Variants in PPFIA2 observed in about 807,000 individuals in gnomAD.
The protein encoded by PPFIA2 is PPFI scaffold protein A2.
A neutral mutation model predicts 175.5 loss-of-function variants in PPFIA2; 46 were observed. The observed-to-expected ratio is 0.26, with a 90% CI of 0.21 to 0.34. The LOEUF (loss-of-function observed/expected upper bound fraction) is 0.34. Ranked by LOEUF, PPFIA2 falls within the 10% of genes least tolerant of loss-of-function variation. The probability of loss-of-function intolerance (pLI) is 1.00; values close to 1 mark genes in which losing one functional copy is unlikely to be tolerated. For synonymous variants in PPFIA2, 568 were observed against 511.4 expected (o/e 1.11, Z -1.49); for missense variants, 1,179 against 1,506.1 (o/e 0.78, Z 3.60).
chr12:81,268,243 AT>A (rs2037991467), intron 28 of PPFIA2, among the ~76,000 whole-genome samples, 156 bp from the exon 29 acceptor site: 1 of 136,960 alleles, frequency 7.3e-6, no homozygotes, highest in African/African-American at 2.8e-5. Flanking sequence ...GGTTCACGCC[AT>A]TCTCCTGCCT....
At chr12:81,381,033 T>C (rs1327102828) in intron 9 of PPFIA2, among the ~76,000 whole-genome samples, 1 of 148,502 alleles carries the variant, frequency 6.7e-6, no homozygotes, top group Non-Finnish European at 1.5e-5. Flanking sequence ...ATGCATGCAG[T>C]AACGCAGGCT....
intron 22 of PPFIA2, among the ~76,000 whole-genome samples, chr12:81,306,637 T>C (rs1227693185): frequency 2.7e-5 from 4 of 149,640 alleles, no homozygotes; most frequent in Admixed American, 1.4e-4. Flanking sequence ...GCCTTCCAGG[T>C]TCAAGTGATT....
At chr12:81,618,898 T>G (rs1426982926) in intron 4 of PPFIA2, among the ~76,000 whole-genome samples, 1 of 152,226 alleles carries the variant, frequency 6.6e-6, no homozygotes, top group Non-Finnish European at 1.5e-5. Context: ...ATTCATTAAT[T>G]CAACAATTAT....
chr12:81,642,381 C>T (rs1050607060), intron 4 of PPFIA2, among the ~76,000 whole-genome samples: 5 of 151,462 alleles, frequency 3.3e-5, no homozygotes, highest in African/African-American at 9.7e-5. Flanking sequence ...TGTCAGAAAA[C>T]TTATCACCCT....
At chr12:81,602,711 C>A (rs2059916667) in intron 4 of PPFIA2, among the ~76,000 whole-genome samples, 1 of 151,650 alleles carries the variant, frequency 6.6e-6, no homozygotes, top group African/African-American at 2.4e-5. Context: ...TTTTGAGACC[C>A]TGGAGTAATG....
Position 81,743,411 on chromosome 12 carries a change from C to CAAAAA in PPFIA2, c.249+10557_249+10561dup, listed in dbSNP as rs772497730. On this transcript the variant is annotated intron_variant, in intron 3 of 32. Coordinates refer to ENST00000549396, the MANE Select transcript of PPFIA2 (RefSeq NM_003625.5). ...CGGGCCACAGAGTGAGACTCCGTCT[C>CAAAAA]AAAAAAAAAAAAAAAAAAAAAAAAA... is the stretch of plus-strand genomic sequence containing the variant. Among the ~76,000 whole-genome samples, 232 of 24,866 alleles carry CAAAAA rather than the reference C, an allele frequency of 9.3e-3. 51 individuals are homozygous for CAAAAA. The highest frequency in any genetic ancestry group is 0.014 in the East Asian group (9 of 652). 16.3% of individuals were successfully genotyped at this position (24,866 alleles called of 152,430 possible).
At position 81,265,447 on chromosome 12, in the gene PPFIA2, G is replaced by A. The variant is rs1395020330; in HGVS notation, c.3555+1505C>T. 2.6e-5 allele frequency among the ~76,000 whole-genome samples: 4 copies of A among 152,122 alleles called. No homozygotes were observed. The East Asian group carries it at 7.7e-4, about 29-fold the overall frequency. On this transcript the variant is annotated intron_variant, in intron 30 of 32. Transcript: ENST00000549396. ...TGGGGAAAACTTTTCATGAGATAGG[G>A]TTAATTCTTTTAATTGGGGTCAAAG...
chr12:81,579,789 C>T (rs1352394357), intron 4 of PPFIA2, among the ~76,000 whole-genome samples: 3 of 151,856 alleles, frequency 2.0e-5, no homozygotes, highest in Non-Finnish European at 4.4e-5. Flanking sequence ...GCTAAAAATA[C>T]TCCATCTCTT....
At chr12:81,439,646 G>A (rs996623304) in intron 7 of PPFIA2, among the ~76,000 whole-genome samples, 1 of 152,090 alleles carries the variant, frequency 6.6e-6, no homozygotes, top group Non-Finnish European at 1.5e-5. Context: ...AAGTTTAACA[G>A]TTATTTGATA....
chr12:81,334,022 C>T (rs142250146), intron 21 of PPFIA2, among the ~76,000 whole-genome samples: 5 of 152,324 alleles, frequency 3.3e-5, no homozygotes, highest in African/African-American at 1.2e-4. Context: ...GCTTGCTCAC[C>T]ACCTTTCATT....
intron 4 of PPFIA2, among the ~76,000 whole-genome samples, chr12:81,613,572 A>G (rs1460114487): frequency 6.6e-6 from 1 of 152,196 alleles, no homozygotes; most frequent in Non-Finnish European, 1.5e-5. Context: ...TACACTGTGC[A>G]GTAATCATTA....
At chr12:81,628,188 A>G (rs2062945521) in intron 4 of PPFIA2, among the ~76,000 whole-genome samples, 1 of 152,082 alleles carries the variant, frequency 6.6e-6, no homozygotes, top group Non-Finnish European at 1.5e-5. Context: ...TCTTTTTTTG[A>G]ACTGACATAT....
chr12:81,531,437 A>G (rs959785046), intron 4 of PPFIA2, among the ~76,000 whole-genome samples: 8 of 151,838 alleles, frequency 5.3e-5, no homozygotes, highest in Non-Finnish European at 1.0e-4. Context: ...ACCCAACATC[A>G]AGAGATCACA....
At chr12:81,748,791 A>G (rs1010924753) in intron 3 of PPFIA2, among the ~76,000 whole-genome samples, 2 of 144,454 alleles carry the variant, frequency 1.4e-5, no homozygotes, top group African/African-American at 4.9e-5. Flanking sequence ...TAATCCATCC[A>G]AAATCAAGAT....
chr12:81,741,739 T>C (rs1390564099), intron 3 of PPFIA2, among the ~76,000 whole-genome samples: 2 of 151,798 alleles, frequency 1.3e-5, no homozygotes, highest in African/African-American at 2.4e-5. Flanking sequence ...AGCCAAAAGA[T>C]TGGACACCCC....
chr12:81,489,764 A>C (rs777941409), intron 4 of PPFIA2, among the ~76,000 whole-genome samples: 1 of 151,890 alleles, frequency 6.6e-6, no homozygotes, highest in Non-Finnish European at 1.5e-5. Flanking sequence ...TTGTTATTTG[A>C]AATGTGTCGA....
intron 4 of PPFIA2, among the ~76,000 whole-genome samples, chr12:81,627,306 A>G (rs537755710): frequency 1.8e-4 from 28 of 152,286 alleles, no homozygotes; most frequent in African/African-American, 6.5e-4. Flanking sequence ...TTTGTAACAC[A>G]AATAAATGAT....
Position 81,347,625 on chromosome 12 carries a change from C to A in PPFIA2, c.2140G>T (p.Ala714Ser). ...ITASVTASSL[A>S]SSSPPSGHST... ...TGTCCACTGGGGGGAGATGAACTGG[C>A]CAGCGATGAAGCTGTAACAGAGGCA... is the stretch of plus-strand genomic sequence containing the variant. The change falls in exon 18 of 33, where the codon GCC (alanine) becomes TCC (serine). Residue 714 changes from alanine (A) to serine (S), a missense_variant. By Grantham distance (99) the Ala-to-Ser change is moderately conservative. Coordinates refer to ENST00000549396, the MANE Select transcript of PPFIA2 (RefSeq NM_003625.5). 1 of 1,613,818 alleles carries A rather than the reference C, an allele frequency of 6.2e-7. No homozygotes were observed. Among genetic ancestry groups the A allele is most frequent in the East Asian group, 2.2e-5 (1 of 44,866 alleles).
At chr12:81,545,845 C>G (rs2066904944) in intron 4 of PPFIA2, 1 of 152,246 alleles carries the variant, frequency 6.6e-6, no homozygotes, top group Non-Finnish European at 1.5e-5. Flanking sequence ...ATCTGAGAGG[C>G]CAGGCGCCAT....
Sources: gnomAD v4.1 joint callset for allele counts (sites outside exome capture counted in the v4.1 genomes callset) on GRCh38, gnomAD v4.1.1 for gene constraint, MANE v1.5 for transcripts, NCBI Gene and HGNC (gene_info 2026-07-23, HGNC 2026-07-21) for gene names.